The following RYR2 variants were observed in gnomAD, a reference collection of about 807,000 sequenced individuals.
RYR2 encodes ryanodine receptor 2.
A neutral mutation model predicts 601.1 loss-of-function variants in RYR2; 227 were observed. The ratio of observed to expected loss-of-function variants is 0.38; its 90% CI spans 0.34 to 0.42. The LOEUF (loss-of-function observed/expected upper bound fraction) is 0.42. RYR2 is among the 10% of genes least tolerant of loss of function. RYR2 has a pLI of 1.00. For synonymous variants in RYR2, 2,223 were observed against 2,175.1 expected (o/e 1.02, Z -0.61); for missense variants, 4,646 against 6,156.5 (o/e 0.75, Z 8.21).
chr1:237,786,142 A>G (rs1573943381), intron 91 of RYR2, 106 bp downstream of exon 91: 2 of 725,416 alleles, frequency 2.8e-6, no homozygotes, highest in Non-Finnish European at 4.6e-6. Flanking sequence ...CATATTGTCA[A>G]GGAGCCACAG....
At chr1:237,098,876 G>A (rs1667769831) in intron 1 of RYR2, among the ~76,000 whole-genome samples, 2 of 152,170 alleles carry the variant, frequency 1.3e-5, no homozygotes, top group Non-Finnish European at 2.9e-5. Context: ...AAGTCCATGT[G>A]ATTTAGAGCA....
chr1:237,052,263 T>G (rs74146694), intron 1 of RYR2, among the ~76,000 whole-genome samples: 111 of 152,196 alleles, frequency 7.3e-4, no homozygotes, highest in African/African-American at 2.6e-3. Flanking sequence ...AAGCTTATGG[T>G]TCTAGGGGGA....
intron 27 of RYR2, among the ~76,000 whole-genome samples, chr1:237,563,779 G>T (rs1300813905): frequency 1.3e-5 from 2 of 152,096 alleles, no homozygotes; most frequent in East Asian, 3.9e-4. Flanking sequence ...TAAAATATTT[G>T]ATTTGTGCTA....
chr1:237,242,186 G>C (rs1446637630), intron 1 of RYR2, among the ~76,000 whole-genome samples: 1 of 114,232 alleles, frequency 8.8e-6, no homozygotes, highest in South Asian at 3.6e-4. Flanking sequence ...ACAGTATTTT[G>C]ATCACTGTTT....
chr1:237,288,648 G>T (rs981366348), intron 2 of RYR2, among the ~76,000 whole-genome samples: 22 of 152,016 alleles, frequency 1.4e-4, no homozygotes, highest in Non-Finnish European at 1.9e-4. Flanking sequence ...AGGGCCAGTC[G>T]TACTCCCACT....
rs185970135 is a variant in RYR2, at chr1:237,386,290, G to A, written c.577-991G>A. Among the ~76,000 whole-genome samples the A allele has an allele frequency of 1.4e-4, 22 of 152,254 alleles. No individual in the cohort carries two copies. In the East Asian group the frequency reaches 3.7e-3, roughly 25 times the overall value. Reference sequence around the variant, plus strand: ...AGAGAGTGAACGACCTCTTCTTGATGGTGACTTGAGAATAGTATCTTTATG... The same window carrying A: ...AGAGAGTGAACGACCTCTTCTTGATAGTGACTTGAGAATAGTATCTTTATG... On this transcript the variant is annotated intron_variant, in intron 8 of 104. Transcript: ENST00000366574.
rs185909908 is a variant in RYR2 at position 237,519,265 on chromosome 1, C to A, written c.2822+7474C>A. Among the ~76,000 whole-genome samples the A allele has an allele frequency of 3.0e-4, 46 of 152,262 alleles. 1 individual carries two copies. Among genetic ancestry groups the A allele is most frequent in the Admixed American group, 1.4e-3 (22 of 15,290 alleles). On this transcript the variant is annotated intron_variant, in intron 24 of 104. Transcript: ENST00000366574. ...TCTGTTGATTCTTTCTCTCACTGTG[C>A]AGAAGCTTATTAGTTTAAATAGGTC...
intron 77 of RYR2, among the ~76,000 whole-genome samples, chr1:237,731,245 T>C (rs1194461954): frequency 6.6e-6 from 1 of 152,146 alleles, no homozygotes; most frequent in East Asian, 1.9e-4. Flanking sequence ...AAAATTAGTT[T>C]CCATGGCTAA....
chr1:237,576,321 G>C (rs893486537), intron 29 of RYR2, among the ~76,000 whole-genome samples: 2 of 152,196 alleles, frequency 1.3e-5, no homozygotes, highest in Non-Finnish European at 2.9e-5. Context: ...AAAGCAGTGA[G>C]GGGATGCATG....
Position 237,141,663 on chromosome 1 carries a change from C to A in RYR2, c.48+99094C>A, listed in dbSNP as rs1385046137. Among the ~76,000 whole-genome samples, 3 of 152,332 alleles carry A rather than the reference C, an allele frequency of 2.0e-5. No individual in the cohort carries two copies. The East Asian group carries it at 5.8e-4, about 29-fold the overall frequency. ...ATTAAGACTTACATATGGGGACCTTCTGGGCGGCAGCGGGACAGCTTTAGA... is the reference window on the plus strand; with the variant it reads ...ATTAAGACTTACATATGGGGACCTTATGGGCGGCAGCGGGACAGCTTTAGA... On this transcript the variant is annotated intron_variant, in intron 1 of 104. Transcript: ENST00000366574.
chr1:237,780,813 A>G (rs1695040489), intron 88 of RYR2, among the ~76,000 whole-genome samples: 1 of 152,232 alleles, frequency 6.6e-6, no homozygotes, highest in African/African-American at 2.4e-5. Context: ...AAATACATTT[A>G]TAAGTTTATC....
At chr1:237,804,191 G>A (rs2794826) in intron 98 of RYR2, among the ~76,000 whole-genome samples, 30,937 of 150,602 alleles carry the variant, frequency 0.21, 3,455 homozygotes, top group East Asian at 0.46. Flanking sequence ...GTACACAAAT[G>A]TCCTTGAACT....
chr1:237,784,687 C>A lies in RYR2; in HGVS notation c.12975C>A (p.Ile4325=). The A allele has an allele frequency of 6.2e-7, 1 of 1,611,054 alleles. No homozygotes were observed. The highest frequency in any genetic ancestry group is 8.5e-7 in the Non-Finnish European group (1 of 1,178,170). The change falls in exon 90 of 105, where the codon ATC becomes ATA. Residue 4325 remains isoleucine (I), a synonymous_variant. Transcript: ENST00000366574. The surrounding 1 kb of genome is among the most constrained non-coding windows in gnomAD (Gnocchi z 7.1). ...GGSLVEGAKK[I]KVAELLANMP... ...GCCTCGTCGAAGGTGCTAAAAAGAT[C>A]AAAGTTGCAGAACTGTTAGCCAACA... is the stretch of plus-strand genomic sequence containing the variant.
intron 1 of RYR2, among the ~76,000 whole-genome samples, chr1:237,140,632 G>C (rs1333852885): frequency 6.6e-6 from 1 of 152,164 alleles, no homozygotes; most frequent in Non-Finnish European, 1.5e-5. Context: ...AGTGAAATCA[G>C]GCACTCCTAG....
intron 10 of RYR2, among the ~76,000 whole-genome samples, chr1:237,388,626 T>G (rs1702130014): frequency 6.6e-6 from 1 of 152,226 alleles, no homozygotes. Flanking sequence ...ATGATAGAAT[T>G]GATCACTTTC....
chr1:237,381,251 C>CA (rs60493059), intron 8 of RYR2, among the ~76,000 whole-genome samples: 1,058 of 45,394 alleles, frequency 0.023, 60 homozygotes, highest in Middle Eastern at 0.04. Context: ...GACTCCGTCT[C>CA]AAAAAAAAAA....
intron 1 of RYR2, among the ~76,000 whole-genome samples, chr1:237,063,135 C>G (rs1663095040): frequency 6.6e-6 from 1 of 152,052 alleles, no homozygotes; most frequent in African/African-American, 2.4e-5. Flanking sequence ...AGCTCTCTTG[C>G]TCTACCATGT....
At chr1:237,758,238 C>T (rs1031185472) in intron 82 of RYR2, among the ~76,000 whole-genome samples, 2 of 152,172 alleles carry the variant, frequency 1.3e-5, no homozygotes, top group Admixed American at 1.3e-4. Flanking sequence ...ACCCTCATTA[C>T]TTAGTATGTA....
chr1:237,380,130 C>G (rs1212071056), intron 8 of RYR2, among the ~76,000 whole-genome samples: 3 of 151,300 alleles, frequency 2.0e-5, no homozygotes, highest in Admixed American at 1.3e-4. Flanking sequence ...ATTTTACATT[C>G]CCACCATGGT....
Sources: gnomAD v4.1 joint callset for allele counts (sites outside exome capture counted in the v4.1 genomes callset) on GRCh38, gnomAD v4.1.1 for gene constraint, Gnocchi (gnomAD v3.1) non-coding constraint, MANE v1.5 for transcripts, NCBI Gene and HGNC (gene_info 2026-07-23, HGNC 2026-07-21) for gene names.